The following FSTL5 variants were observed in gnomAD, a reference collection of about 807,000 sequenced individuals.
FSTL5 encodes the protein follistatin like 5.
In FSTL5, 62 loss-of-function variants were observed where a neutral mutation model predicts 89.1. The observed-to-expected ratio is 0.70, with a 90% confidence interval of 0.57 to 0.86. The LOEUF (loss-of-function observed/expected upper bound fraction) is 0.86. Among genes scored for constraint, FSTL5 ranks in the 40% least tolerant of loss-of-function variants. The probability of loss-of-function intolerance (pLI) is 0.00; values close to 1 mark genes in which losing one functional copy is unlikely to be tolerated. For missense variants in FSTL5, 1,057 were observed against 1,001.6 expected (o/e 1.06, Z -0.75); for synonymous variants, 383 against 346.2 (o/e 1.11, Z -1.18).
chr4:161,690,593 AT>A lies in FSTL5; in HGVS notation c.728-34100del, dbSNP rs375997071. Among the ~76,000 whole-genome samples the A allele has an allele frequency of 2.3e-3, 352 of 152,090 alleles. 5 individuals carry two copies. The highest frequency in any genetic ancestry group is 8.1e-3 in the African/African-American group (338 of 41,500). ...CTTATCAGACATATGATTTGTAAAT[AT>A]TTTTTCCCTTTCTGCAGGTTGTCTT... On this transcript the variant is annotated intron_variant, in intron 6 of 15. Transcript: ENST00000306100.
At chr4:161,875,507 G>T (rs1482012844) in intron 4 of FSTL5, among the ~76,000 whole-genome samples, 1 of 152,120 alleles carries the variant, frequency 6.6e-6, no homozygotes, top group East Asian at 1.9e-4. Flanking sequence ...TTCATGAGAT[G>T]AACGTGAAGT....
At chr4:161,725,296 A>G (rs1401589933) in intron 6 of FSTL5, among the ~76,000 whole-genome samples, 3 of 152,328 alleles carry the variant, frequency 2.0e-5, no homozygotes, top group East Asian at 3.9e-4. Flanking sequence ...AAACTCTTCA[A>G]TACCATTCAC....
In FSTL5 at chr4:161,856,054, G is replaced by A. The variant is rs1278082775; in HGVS notation, c.409+64350C>T. The stretch of plus-strand genomic sequence containing the variant: ...ATCCAGGAGCTTATAGTCTTATAGG[G>A]ATAAAATATAAACCATAATTAGCAA... On this transcript the variant is annotated intron_variant, in intron 4 of 15. Transcript: ENST00000306100. Among the ~76,000 whole-genome samples, 6 of 152,128 alleles carry A rather than the reference G, an allele frequency of 3.9e-5. No individual in the cohort carries two copies. In the East Asian group the frequency reaches 1.2e-3, roughly 29 times the overall value.
At chr4:161,808,704 A>G (rs1017448260) in intron 4 of FSTL5, among the ~76,000 whole-genome samples, 4 of 152,286 alleles carry the variant, frequency 2.6e-5, no homozygotes, top group African/African-American at 9.6e-5. Flanking sequence ...TAGAGTGAAA[A>G]CATAATGTAC....
intron 7 of FSTL5, among the ~76,000 whole-genome samples, chr4:161,611,012 C>T (rs1232327958): frequency 6.6e-6 from 1 of 151,248 alleles, no homozygotes; most frequent in Non-Finnish European, 1.5e-5. Context: ...TTAATGGCAA[C>T]ATTACTCAAT....
intron 6 of FSTL5, among the ~76,000 whole-genome samples, chr4:161,732,364 G>A (rs1468557884): frequency 1.3e-5 from 2 of 151,846 alleles, no homozygotes; most frequent in East Asian, 3.9e-4. Context: ...CTGTTATTGG[G>A]TGGAAGAATT....
rs543053095 is a variant in FSTL5, at chr4:162,038,351, A to AT, written c.127-4694_127-4693insA. Among the ~76,000 whole-genome samples the AT allele has an allele frequency of 2.2e-3, 329 of 152,052 alleles. 3 individuals are homozygous for AT. The highest frequency in any genetic ancestry group is 7.5e-3 in the African/African-American group (313 of 41,558). On this transcript the variant is annotated intron_variant, in intron 2 of 15. Transcript: ENST00000306100. ...ATGTAAGATGGCTAAAAGCTTTAGC[A>AT]GACAGTATGATAAAGATTAGCAAAG...
At chr4:161,542,372 T>C (rs1362496270) in intron 9 of FSTL5, among the ~76,000 whole-genome samples, 160 bp downstream of exon 9, 4 of 152,132 alleles carry the variant, frequency 2.6e-5, no homozygotes, top group African/African-American at 9.6e-5. Flanking sequence ...AAAAGAATCT[T>C]TCCCATATAA....
At chr4:162,071,737 G>A (rs143342942) in intron 2 of FSTL5, among the ~76,000 whole-genome samples, 226 of 151,856 alleles carry the variant, frequency 1.5e-3, no homozygotes, top group African/African-American at 5.2e-3. Context: ...TAGATCATAT[G>A]TTAGGCCACA....
chr4:161,642,803 G>A (rs1736010356), intron 7 of FSTL5, among the ~76,000 whole-genome samples: 1 of 57,464 alleles, frequency 1.7e-5, no homozygotes, highest in Non-Finnish European at 3.4e-5. Context: ...GAGGAAGATA[G>A]AATGGGCATT....
Position 161,779,775 on chromosome 4 carries a change from GTATATA to G in FSTL5, c.410-3707_410-3702del, listed in dbSNP as rs869254842. 6.7e-4 allele frequency among the ~76,000 whole-genome samples: 17 copies of G among 25,420 alleles called. 1 individual carries two copies. Among genetic ancestry groups the G allele is most frequent in the African/African-American group, 2.9e-3 (14 of 4,910 alleles). The allele number at this position is 25,420 out of a possible 152,430, so 16.7% of individuals were successfully genotyped here. A position where few individuals can be genotyped will look rare whatever the true frequency, so the allele number is the denominator to read the frequency against. On this transcript the variant is annotated intron_variant, in intron 4 of 15. Transcript: ENST00000306100. ...TTTGTAAAGTTATATATATATATAT[GTATATA>G]TATATATATATATATATATATATAT...
At chr4:161,397,001 G>A (rs1265978761) in intron 15 of FSTL5, among the ~76,000 whole-genome samples, 1 of 152,110 alleles carries the variant, frequency 6.6e-6, no homozygotes, top group East Asian at 1.9e-4. Context: ...CAAAAGATCA[G>A]TTACTTATCT....
chr4:161,492,552 T>C (rs1729918215), intron 12 of FSTL5, among the ~76,000 whole-genome samples: 1 of 152,122 alleles, frequency 6.6e-6, no homozygotes, highest in African/African-American at 2.4e-5. Flanking sequence ...AAAAAATAGG[T>C]AGATAGCATA....
At chr4:161,810,912 A>G (rs1730116926) in intron 4 of FSTL5, among the ~76,000 whole-genome samples, 1 of 152,180 alleles carries the variant, frequency 6.6e-6, no homozygotes. Flanking sequence ...AACACCACCA[A>G]TAAGATCTAT....
chr4:161,543,651 T>TAC (rs1731908313), intron 8 of FSTL5, among the ~76,000 whole-genome samples: 1 of 151,996 alleles, frequency 6.6e-6, no homozygotes. Context: ...GAAATAAACA[T>TAC]ACATTGATGG....
intron 7 of FSTL5, among the ~76,000 whole-genome samples, chr4:161,597,923 C>T (rs556471559): frequency 2.6e-5 from 4 of 152,212 alleles, no homozygotes; most frequent in African/African-American, 9.6e-5. Flanking sequence ...CAACATACGA[C>T]ATGAACAATA....
At chr4:162,044,374 C>T (rs1344014547) in intron 2 of FSTL5, among the ~76,000 whole-genome samples, 1 of 152,028 alleles carries the variant, frequency 6.6e-6, no homozygotes, top group East Asian at 1.9e-4. Context: ...AGCAATCGTT[C>T]AATAATGAGC....
Position 161,678,052 on chromosome 4 carries a change from A to C in FSTL5, c.728-21558T>G, listed in dbSNP as rs149513875. Among the ~76,000 whole-genome samples, 905 of 151,932 alleles carry C rather than the reference A, an allele frequency of 6.0e-3. 9 individuals carry two copies. Among genetic ancestry groups the C allele is most frequent in the South Asian group, 0.045 (219 of 4,824 alleles). On this transcript the variant is annotated intron_variant, in intron 6 of 15. Coordinates refer to ENST00000306100, the MANE Select transcript of FSTL5 (RefSeq NM_020116.5). ...ATGGAATGATGAAAAAATAATAAAC[A>C]AAAACTTCACTTTTCATAAGCAGGT...
intron 10 of FSTL5, among the ~76,000 whole-genome samples, chr4:161,527,915 A>G (rs1731282331): frequency 6.7e-6 from 1 of 150,162 alleles, no homozygotes; most frequent in African/African-American, 2.5e-5. Flanking sequence ...ACAATGATAG[A>G]CTGGATTAAG....
Sources: gnomAD v4.1 joint callset for allele counts (sites outside exome capture counted in the v4.1 genomes callset) on GRCh38, gnomAD v4.1.1 for gene constraint, MANE v1.5 for transcripts, NCBI Gene and HGNC (gene_info 2026-07-23, HGNC 2026-07-21) for gene names.